The following QTMAN variants were observed in gnomAD, a reference collection of about 807,000 sequenced individuals.
QTMAN encodes tRNA-queuosine alpha-mannosyltransferase.
the QTMAN span, among the ~76,000 whole-genome samples, chr2:144,151,287 G>GT: frequency 6.6e-6 from 1 of 151,928 alleles, no homozygotes; most frequent in African/African-American, 2.4e-5. Context: ...TCATGATATG[G>GT]TAAGTCATAA....
At chr2:144,074,121 A>G in the QTMAN span, among the ~76,000 whole-genome samples, 1 of 152,222 alleles carries the variant, frequency 6.6e-6, no homozygotes, top group African/African-American at 2.4e-5. Flanking sequence ...ATGAGCCAAA[A>G]GGGGATATGA....
the QTMAN span, among the ~76,000 whole-genome samples, chr2:144,148,150 C>A: frequency 6.6e-6 from 1 of 151,772 alleles, no homozygotes; most frequent in South Asian, 2.1e-4. Context: ...TTCTTAAATA[C>A]AATAATTTTA....
chr2:144,276,842 C>T, the QTMAN span, among the ~76,000 whole-genome samples: 1 of 152,164 alleles, frequency 6.6e-6, no homozygotes, highest in Non-Finnish European at 1.5e-5. Flanking sequence ...ATACTTCACA[C>T]CCCTAAACTC....
At chr2:144,132,057 A>C in the QTMAN span, among the ~76,000 whole-genome samples, 1 of 152,014 alleles carries the variant, frequency 6.6e-6, no homozygotes, top group South Asian at 2.1e-4. Flanking sequence ...GAATATATTC[A>C]GGTGAATATT....
the QTMAN span, chr2:143,942,757 C>T: frequency 1.8e-5 from 3 of 167,060 alleles, no homozygotes; most frequent in African/African-American, 7.2e-5. Flanking sequence ...CCCCTGGCTC[C>T]TGTTAAGCAG....
At chr2:143,983,765 G>A in the QTMAN span, among the ~76,000 whole-genome samples, 3 of 152,082 alleles carry the variant, frequency 2.0e-5, no homozygotes, top group African/African-American at 4.8e-5. Flanking sequence ...GAGCCACCAC[G>A]CCCAGCCGAG....
chr2:144,314,740 G>A, the QTMAN span, among the ~76,000 whole-genome samples: 5 of 151,990 alleles, frequency 3.3e-5, no homozygotes, highest in African/African-American at 7.3e-5. Context: ...GAAACAGTGC[G>A]TAACGGAACT....
chr2:144,214,555 T>C, the QTMAN span, among the ~76,000 whole-genome samples: 1 of 152,210 alleles, frequency 6.6e-6, no homozygotes, highest in Non-Finnish European at 1.5e-5. Flanking sequence ...ATTTATGTTG[T>C]AGTTGTGTAC....
At chr2:144,202,462 T>TA in the QTMAN span, among the ~76,000 whole-genome samples, 1 of 152,186 alleles carries the variant, frequency 6.6e-6, no homozygotes, top group South Asian at 2.1e-4. Context: ...ACTAAACACT[T>TA]AAAAGCAACT....
the QTMAN span, among the ~76,000 whole-genome samples, chr2:144,257,095 A>C: frequency 6.6e-6 from 1 of 151,574 alleles, no homozygotes; most frequent in African/African-American, 2.4e-5. Context: ...CTGAAAAAAA[A>C]AAAAAACCAG....
At chr2:144,311,068 G>A in the QTMAN span, among the ~76,000 whole-genome samples, 1 of 152,128 alleles carries the variant, frequency 6.6e-6, no homozygotes, top group Non-Finnish European at 1.5e-5. Context: ...AAGTCTGCTA[G>A]GCACTTCACA....
chr2:144,182,902 T>TC, the QTMAN span, among the ~76,000 whole-genome samples: 1 of 96,306 alleles, frequency 1.0e-5, no homozygotes, highest in Non-Finnish European at 2.0e-5. Context: ...ATATATATAT[T>TC]ATATATATAT....
the QTMAN span, among the ~76,000 whole-genome samples, chr2:144,187,901 AATG>A: frequency 1.3e-5 from 2 of 152,198 alleles, no homozygotes; most frequent in African/African-American, 4.8e-5. Flanking sequence ...CCCTAAATCC[AATG>A]ATGTTTTTCC....
chr2:144,323,722 C>G, the QTMAN span, among the ~76,000 whole-genome samples: 160 of 152,274 alleles, frequency 1.1e-3, no homozygotes, highest in African/African-American at 3.4e-3. Flanking sequence ...AATAAATATA[C>G]TAAATATGTG....
the QTMAN span, chr2:144,211,447 T>G: frequency 1.3e-5 from 2 of 152,582 alleles, no homozygotes; most frequent in African/African-American, 4.8e-5. Flanking sequence ...CTTAGTGGCT[T>G]TGATTCACGG....
At chr2:144,171,252 T>C in the QTMAN span, among the ~76,000 whole-genome samples, 1 of 152,178 alleles carries the variant, frequency 6.6e-6, no homozygotes, top group African/African-American at 2.4e-5. Context: ...ATCCTACCCA[T>C]ACTTCAAAGC....
chr2:144,051,794 T>C, the QTMAN span, among the ~76,000 whole-genome samples: 2 of 151,804 alleles, frequency 1.3e-5, no homozygotes, highest in African/African-American at 4.8e-5. Context: ...ACTACAAGAA[T>C]GGGCAAGACA....
chr2:144,154,683 A>G, the QTMAN span, among the ~76,000 whole-genome samples: 67 of 152,324 alleles, frequency 4.4e-4, no homozygotes, highest in East Asian at 0.011. Context: ...ATAATTTTAC[A>G]TAACTATTCT....
At chr2:144,090,709 T>C in the QTMAN span, among the ~76,000 whole-genome samples, 1 of 152,072 alleles carries the variant, frequency 6.6e-6, no homozygotes, top group African/African-American at 2.4e-5. Flanking sequence ...TATATGTTAA[T>C]GGAAATATAT....
Sources: allele counts gnomAD v4.1 joint callset (sites outside exome capture counted in the v4.1 genomes callset), GRCh38; gene constraint gnomAD v4.1.1; transcripts MANE v1.5; gene names NCBI Gene and HGNC (gene_info 2026-07-23, HGNC 2026-07-21).